The following ADARB2 variants were observed in gnomAD, a reference collection of about 807,000 sequenced individuals.
ADARB2 encodes the protein adenosine deaminase RNA specific B2 (inactive).
A neutral mutation model predicts 62.2 loss-of-function variants in ADARB2; 25 were observed. The ratio of observed to expected loss-of-function variants is 0.40; its 90% CI spans 0.29 to 0.56. ADARB2 has a LOEUF of 0.56. ADARB2 is among the 20% of genes least tolerant of loss of function. The pLI is 0.43. For synonymous variants in ADARB2, 572 were observed against 500.8 expected, an observed-to-expected ratio of 1.14 and a Z score of -1.90; for missense variants, 1,071 against 1,077.4, an observed-to-expected ratio of 0.99 and a Z score of 0.08.
intron 4 of ADARB2, among the ~76,000 whole-genome samples, chr10:1,268,320 A>G (rs1831227015): frequency 1.3e-5 from 2 of 152,136 alleles, no homozygotes; most frequent in African/African-American, 4.8e-5. Context: ...GTTCTTTAGA[A>G]TCTTTACCAT....
At chr10:1,580,050 T>C (rs572102185) in intron 1 of ADARB2, among the ~76,000 whole-genome samples, 187 of 152,274 alleles carry the variant, frequency 1.2e-3, no homozygotes, top group Non-Finnish European at 2.0e-3. Context: ...GACGAGCGAG[T>C]CACCAGTTGC....
intron 1 of ADARB2, among the ~76,000 whole-genome samples, chr10:1,659,274 C>T (rs1834212798): frequency 6.6e-6 from 1 of 152,194 alleles, no homozygotes; most frequent in Admixed American, 6.5e-5. Flanking sequence ...CCGAATCATT[C>T]CACACCTGCT....
intron 1 of ADARB2, among the ~76,000 whole-genome samples, chr10:1,648,468 A>C (rs1245299099): frequency 6.6e-6 from 1 of 152,094 alleles, no homozygotes; most frequent in Non-Finnish European, 1.5e-5. Context: ...TTTAGGAAAT[A>C]CTTGTTCTGC....
intron 3 of ADARB2, among the ~76,000 whole-genome samples, chr10:1,360,639 G>T (rs1832243962): frequency 6.6e-6 from 1 of 152,186 alleles, no homozygotes; most frequent in African/African-American, 2.4e-5. Context: ...CCCCCGCCCA[G>T]CTGTGGGTGT....
chr10:1,656,792 T>C (rs1355777473), intron 1 of ADARB2, among the ~76,000 whole-genome samples: 1 of 152,182 alleles, frequency 6.6e-6, no homozygotes, highest in East Asian at 1.9e-4. Flanking sequence ...CTATTATATA[T>C]GGGAAGGTTA....
chr10:1,433,602 G>C (rs1024347834), intron 1 of ADARB2, among the ~76,000 whole-genome samples: 12 of 152,248 alleles, frequency 7.9e-5, no homozygotes, highest in African/African-American at 2.6e-4. Flanking sequence ...CTGAGGGGTG[G>C]AGCAGGGATT....
intron 2 of ADARB2, among the ~76,000 whole-genome samples, chr10:1,364,550 T>C (rs1206335540): frequency 1.3e-5 from 2 of 152,188 alleles, no homozygotes; most frequent in African/African-American, 4.8e-5. Flanking sequence ...GAGTTCCCCA[T>C]CTAGGGATTC....
chr10:1,196,359 A>G lies in ADARB2; in HGVS notation c.1864+3607T>C, dbSNP rs138732748. The stretch of plus-strand genomic sequence containing the variant: ...GTGCCCGGCACTTTGTAAATCATCA[A>G]TACACATTTGCTGAATGATTAAGCA... On this transcript the variant is annotated intron_variant, in intron 8 of 9. Transcript: ENST00000381312. 3.4e-3 allele frequency among the ~76,000 whole-genome samples: 512 copies of G among 151,528 alleles called. 1 individual carries two copies. The highest frequency in any genetic ancestry group is 0.012 in the African/African-American group (489 of 41,324).
At chr10:1,417,596 C>A (rs545389107) in intron 1 of ADARB2, among the ~76,000 whole-genome samples, 1 of 152,318 alleles carries the variant, frequency 6.6e-6, no homozygotes, top group South Asian at 2.1e-4. Flanking sequence ...GAGTTTGCAC[C>A]GTTTGCCTGA....
chr10:1,515,425 G>C (rs1217032402), intron 1 of ADARB2, among the ~76,000 whole-genome samples: 3 of 152,254 alleles, frequency 2.0e-5, no homozygotes, highest in Non-Finnish European at 2.9e-5. Context: ...CAGTAGATCT[G>C]AGATCACAAC....
intron 1 of ADARB2, among the ~76,000 whole-genome samples, chr10:1,424,456 C>T (rs1331616514): frequency 3.3e-5 from 5 of 152,152 alleles, no homozygotes; most frequent in Non-Finnish European, 5.9e-5. Flanking sequence ...TTTAATGACT[C>T]GTGGCAAAGT....
intron 3 of ADARB2, among the ~76,000 whole-genome samples, chr10:1,280,428 C>T (rs1336887268): frequency 6.6e-6 from 1 of 152,186 alleles, no homozygotes; most frequent in Non-Finnish European, 1.5e-5. Flanking sequence ...TGGACTATCC[C>T]TCCTTCCTTG....
chr10:1,708,352 C>A (rs1248441225), intron 1 of ADARB2, among the ~76,000 whole-genome samples: 2 of 152,158 alleles, frequency 1.3e-5, no homozygotes, highest in Non-Finnish European at 2.9e-5. Context: ...CCACACCAAG[C>A]CTTGGTCTGA....
intron 1 of ADARB2, among the ~76,000 whole-genome samples, chr10:1,635,026 T>C (rs979551333): frequency 1.3e-5 from 2 of 152,234 alleles, no homozygotes; most frequent in Non-Finnish European, 2.9e-5. Context: ...CTTAAATATT[T>C]CTCTGGATCC....
rs529226749 is a variant in ADARB2 at position 1,299,553 on chromosome 10, G to A, written c.1078-28484C>T. ...AATGAGAACTCTGCCCTGGCTGATC[G>A]CCTGTGTGAGATTCTCAGCCCTGAC... On this transcript the variant is annotated intron_variant, in intron 3 of 9. Coordinates refer to ENST00000381312, the MANE Select transcript of ADARB2 (RefSeq NM_018702.4). 2.6e-5 allele frequency among the ~76,000 whole-genome samples: 4 copies of A among 151,696 alleles called. No individual in the cohort carries two copies. In the East Asian group the frequency reaches 5.8e-4, roughly 22 times the overall value.
intron 4 of ADARB2, among the ~76,000 whole-genome samples, chr10:1,245,074 G>C (rs1006964356): frequency 6.6e-6 from 1 of 152,134 alleles, no homozygotes; most frequent in African/African-American, 2.4e-5. Flanking sequence ...GTGAGTGCTG[G>C]GTTGCACAGG....
chr10:1,272,183 G>A (rs1187776075), intron 3 of ADARB2, among the ~76,000 whole-genome samples: 1 of 152,170 alleles, frequency 6.6e-6, no homozygotes, highest in Non-Finnish European at 1.5e-5. Context: ...ATCTCATCCA[G>A]GAGGCAGGAA....
At chr10:1,424,162 A>C (rs1165342994) in intron 1 of ADARB2, among the ~76,000 whole-genome samples, 1 of 152,170 alleles carries the variant, frequency 6.6e-6, no homozygotes, top group Non-Finnish European at 1.5e-5. Flanking sequence ...CTATGTATGC[A>C]GTAGGTCCAC....
chr10:1,386,933 ATAGTTATG>A (rs1646592816), intron 1 of ADARB2, among the ~76,000 whole-genome samples: 1 of 151,922 alleles, frequency 6.6e-6, no homozygotes, highest in Admixed American at 6.5e-5. Context: ...TGGCCACAAT[ATAGTTATG>A]TTAAATATAT....
Sources: allele counts gnomAD v4.1 joint callset (sites outside exome capture counted in the v4.1 genomes callset), GRCh38; gene constraint gnomAD v4.1.1; transcripts MANE v1.5; gene names NCBI Gene and HGNC (gene_info 2026-07-23, HGNC 2026-07-21).